The following TMEM163 variants were observed in gnomAD, a reference collection of about 807,000 sequenced individuals.
The protein encoded by TMEM163 is transmembrane protein 163.
Under a neutral mutation model 29.3 loss-of-function variants are expected in TMEM163, and 17 were observed. The observed-to-expected ratio is 0.58, with a 90% CI of 0.40 to 0.87. The LOEUF (loss-of-function observed/expected upper bound fraction) is 0.87. TMEM163 is among the 40% of genes least tolerant of loss of function. The pLI, the probability that TMEM163 is intolerant of heterozygous loss-of-function variation, is 0.00. For missense variants in TMEM163, 303 were observed against 381.5 expected (o/e 0.79, Z 1.71); for synonymous variants, 157 against 160.6 (o/e 0.98, Z 0.17).
At chr2:134,514,776 C>T (rs938851674) in intron 4 of TMEM163, among the ~76,000 whole-genome samples, 1 of 152,086 alleles carries the variant, frequency 6.6e-6, no homozygotes, top group Non-Finnish European at 1.5e-5. Context: ...GGGACTTGGC[C>T]GTGTGACTTG....
At chr2:134,479,111 A>G (rs1686986064) in intron 5 of TMEM163, among the ~76,000 whole-genome samples, 1 of 152,148 alleles carries the variant, frequency 6.6e-6, no homozygotes, top group South Asian at 2.1e-4. Context: ...TGGTAACTGG[A>G]TCTTGAACCT....
At chr2:134,516,620 T>C (rs1257281976) in intron 4 of TMEM163, among the ~76,000 whole-genome samples, 1 of 148,106 alleles carries the variant, frequency 6.8e-6, no homozygotes, top group Non-Finnish European at 1.5e-5. Context: ...TAAATATTCA[T>C]ATATTTTTAT....
intron 2 of TMEM163, among the ~76,000 whole-genome samples, chr2:134,569,565 C>G (rs1346247875): frequency 6.6e-6 from 1 of 152,198 alleles, no homozygotes; most frequent in Admixed American, 6.5e-5. Flanking sequence ...TAGCCATAGT[C>G]ACATCCCCAG....
intron 2 of TMEM163, among the ~76,000 whole-genome samples, chr2:134,650,895 T>G (rs1191775308): frequency 7.9e-6 from 1 of 126,702 alleles, no homozygotes; most frequent in Admixed American, 7.7e-5. Flanking sequence ...ATGGCTGCAT[T>G]GTATTCCATG....
At chr2:134,628,177 T>C (rs1427840334) in intron 2 of TMEM163, among the ~76,000 whole-genome samples, 3 of 152,250 alleles carry the variant, frequency 2.0e-5, no homozygotes, top group Admixed American at 2.0e-4. Context: ...CATGAATCTA[T>C]CTATAGAAAC....
rs1020793283 is a variant in TMEM163 at position 134,498,329 on chromosome 2, G to A, written c.555+4572C>T. On this transcript the variant is annotated intron_variant, in intron 5 of 7. Coordinates refer to ENST00000281924, the MANE Select transcript of TMEM163 (RefSeq NM_030923.5). ...ACACTGTCCTGCTGCAGTCTCCACC[G>A]ATGCTTGGTGCACTTGCATGTGGGC... Among the ~76,000 whole-genome samples, 37 of 149,518 alleles carry A rather than the reference G, an allele frequency of 2.5e-4. 1 individual carries two copies. Among genetic ancestry groups the A allele is most frequent in the Non-Finnish European group, 3.1e-4 (21 of 67,674 alleles).
chr2:134,594,851 G>GTCTCTCTCTCTCTC (rs70973456), intron 2 of TMEM163, among the ~76,000 whole-genome samples: 5 of 147,852 alleles, frequency 3.4e-5, no homozygotes, highest in African/African-American at 1.2e-4. Context: ...GAGACCTTGA[G>GTCTCTCTCTCTCTC]TCTCTCTCTC....
chr2:134,492,142 G>A (rs1394540548), intron 5 of TMEM163, among the ~76,000 whole-genome samples: 2 of 152,156 alleles, frequency 1.3e-5, no homozygotes, highest in African/African-American at 4.8e-5. Context: ...CTTATCATAC[G>A]CTTTGTCTTC....
chr2:134,581,986 G>A (rs542257375), intron 2 of TMEM163, among the ~76,000 whole-genome samples: 3 of 152,260 alleles, frequency 2.0e-5, no homozygotes, highest in East Asian at 1.9e-4. Flanking sequence ...CCATGAGTGC[G>A]CATAGAAGTA....
intron 2 of TMEM163, among the ~76,000 whole-genome samples, chr2:134,667,109 T>G (rs1683887867): frequency 6.6e-6 from 1 of 152,220 alleles, no homozygotes; most frequent in Non-Finnish European, 1.5e-5. Context: ...CAGATTTGAC[T>G]CAAGTTTGAT....
chr2:134,689,891 A>C (rs942078446), intron 2 of TMEM163, among the ~76,000 whole-genome samples: 3 of 152,128 alleles, frequency 2.0e-5, no homozygotes, highest in Non-Finnish European at 4.4e-5. Flanking sequence ...GCCCAAAAGT[A>C]AAAGTCAACT....
intron 2 of TMEM163, among the ~76,000 whole-genome samples, chr2:134,578,279 G>A (rs114225944): frequency 6.6e-6 from 1 of 152,144 alleles, no homozygotes; most frequent in African/African-American, 2.4e-5. Flanking sequence ...ACTATTTCCT[G>A]TTCTGGATGT....
In TMEM163 at chr2:134,460,128, C is replaced by A. The variant is rs1686502290; in HGVS notation, c.668-1955G>T. Among the ~76,000 whole-genome samples, 1 of 142,784 alleles carries A rather than the reference C, an allele frequency of 7.0e-6. No homozygotes were observed. Among genetic ancestry groups the A allele is most frequent in the Non-Finnish European group, 1.5e-5 (1 of 66,186 alleles). 93.7% of individuals were successfully genotyped at this position (142,784 alleles called of 152,430 possible). Reference sequence around the variant, plus strand: ...CCCGCTGATCCCTGCTCTGTCCTGGCCACCTGTGGCCCTCCCTGTACCCCG... The same window carrying A: ...CCCGCTGATCCCTGCTCTGTCCTGGACACCTGTGGCCCTCCCTGTACCCCG... On this transcript the variant is annotated intron_variant, in intron 6 of 7. Coordinates refer to ENST00000281924, the MANE Select transcript of TMEM163 (RefSeq NM_030923.5). This position sits in a 1 kb window ranked among gnomAD's most constrained non-coding sequence, Gnocchi z 4.3.
intron 2 of TMEM163, among the ~76,000 whole-genome samples, chr2:134,577,755 C>T (rs888265759): frequency 1.2e-4 from 18 of 151,950 alleles, no homozygotes; most frequent in Admixed American, 5.2e-4. Context: ...TACAGTCAGC[C>T]CTTCTCTGTG....
intron 4 of TMEM163, among the ~76,000 whole-genome samples, chr2:134,520,388 C>T (rs1205167077): frequency 6.6e-6 from 1 of 152,228 alleles, no homozygotes; most frequent in African/African-American, 2.4e-5. Flanking sequence ...CCACAAAGCA[C>T]AGTCCCCGGA....
chr2:134,507,858 CACACACACACACACAG>C (rs953681113), intron 4 of TMEM163, among the ~76,000 whole-genome samples: 11 of 150,544 alleles, frequency 7.3e-5, no homozygotes, highest in South Asian at 2.1e-4. Flanking sequence ...CCCTGTCTCA[CACACACACACACACAG>C]ACACACACAC....
rs1227589723 is a variant in TMEM163 at position 134,679,644 on chromosome 2, T to C, written c.322+33556A>G. 5.3e-5 allele frequency among the ~76,000 whole-genome samples: 8 copies of C among 152,318 alleles called. No individual in the cohort carries two copies. The East Asian group carries it at 1.5e-3, about 29-fold the overall frequency. On this transcript the variant is annotated intron_variant, in intron 2 of 7. Transcript: ENST00000281924. ...CAGGAGCTTTCGAAGACATTTTATTTGATTCTTACACCTAATCCTGGAAAG... is the reference window on the plus strand; with the variant it reads ...CAGGAGCTTTCGAAGACATTTTATTCGATTCTTACACCTAATCCTGGAAAG...
At chr2:134,718,082 T>C (rs1274846532) in intron 1 of TMEM163, among the ~76,000 whole-genome samples, 1 of 152,010 alleles carries the variant, frequency 6.6e-6, no homozygotes, top group East Asian at 1.9e-4. Context: ...CCAGATGAGG[T>C]TGGTGGCCCA....
Position 134,478,294 on chromosome 2 carries a change from T to G in TMEM163, c.556-12069A>C, listed in dbSNP as rs185688386. Among the ~76,000 whole-genome samples, 232 of 152,240 alleles carry G rather than the reference T, an allele frequency of 1.5e-3. 3 individuals carry two copies. Among genetic ancestry groups the G allele is most frequent in the Middle Eastern group, 3.4e-3 (1 of 294 alleles). ...TGAAAATGTGGAAGCAGCTTTGGAATTGGGTAATGGGCAGAGGTTGGAAGA... is the reference window on the plus strand; with the variant it reads ...TGAAAATGTGGAAGCAGCTTTGGAAGTGGGTAATGGGCAGAGGTTGGAAGA... On this transcript the variant is annotated intron_variant, in intron 5 of 7. Transcript: ENST00000281924.
Sources: allele counts gnomAD v4.1 joint callset (sites outside exome capture counted in the v4.1 genomes callset), GRCh38; gene constraint gnomAD v4.1.1; non-coding constraint Gnocchi (gnomAD v3.1); transcripts MANE v1.5; gene names NCBI Gene and HGNC (gene_info 2026-07-23, HGNC 2026-07-21).